The following TXLNB variants were observed in gnomAD, a reference collection of about 807,000 sequenced individuals.
The protein encoded by TXLNB is taxilin beta, also known as beta-taxilin.
TXLNB carries 37 observed loss-of-function variants against 57.4 expected under a neutral mutation model. The ratio of observed to expected loss-of-function variants is 0.64; its 90% CI spans 0.50 to 0.85. The LOEUF (loss-of-function observed/expected upper bound fraction) is 0.85. Ranked by LOEUF, TXLNB falls within the 40% of genes least tolerant of loss-of-function variation. The pLI, the probability that TXLNB is intolerant of heterozygous loss-of-function variation, is 0.00. For synonymous variants in TXLNB, 302 were observed against 309.6 expected, an observed-to-expected ratio of 0.98 and a Z score of 0.26; for missense variants, 848 against 825.6, an observed-to-expected ratio of 1.03 and a Z score of -0.33.
rs553507911 is a variant in TXLNB at position 139,264,209 on chromosome 6, G to A, written c.688-1436C>T. 1.4e-4 allele frequency among the ~76,000 whole-genome samples: 21 copies of A among 152,260 alleles called. No homozygotes were observed. In the South Asian group the frequency reaches 3.5e-3, roughly 26 times the overall value. On this transcript the variant is annotated intron_variant, in intron 4 of 9. Transcript: ENST00000358430. ...CTTTGTATACTAACACTTACTATATGTGTTTCGCTAAAAATAATTATGGTT... is the reference window on the plus strand; with the variant it reads ...CTTTGTATACTAACACTTACTATATATGTTTCGCTAAAAATAATTATGGTT...
the TXLNB span, among the ~76,000 whole-genome samples, chr6:139,228,963 T>C: frequency 6.6e-6 from 1 of 152,136 alleles, no homozygotes; most frequent in Non-Finnish European, 1.5e-5. Flanking sequence ...TTTAGGCCCG[T>C]CTCCTGAGGC....
intron 2 of TXLNB, among the ~76,000 whole-genome samples, chr6:139,277,881 A>C (rs1776940567): frequency 6.6e-6 from 1 of 152,176 alleles, no homozygotes; most frequent in East Asian, 1.9e-4. Context: ...GAAAATTGAC[A>C]ACCTTTCCCC....
At chr6:139,168,506 AC>A in the TXLNB span, among the ~76,000 whole-genome samples, 1 of 149,878 alleles carries the variant, frequency 6.7e-6, no homozygotes, top group Non-Finnish European at 1.5e-5. Flanking sequence ...ATTTCCACAT[AC>A]CTGTCAGATT....
chr6:139,323,157 TTTG>T, the TXLNB span, among the ~76,000 whole-genome samples: 1 of 152,184 alleles, frequency 6.6e-6, no homozygotes, highest in Admixed American at 6.5e-5. Flanking sequence ...AGGAAATCAT[TTTG>T]TTGGTGTTGA....
intron 4 of TXLNB, among the ~76,000 whole-genome samples, chr6:139,263,245 T>G (rs1021304719): frequency 5.3e-5 from 8 of 152,194 alleles, no homozygotes; most frequent in Non-Finnish European, 8.8e-5. Context: ...ATTACCAAGT[T>G]TTGTAAATAT....
downstream of TXLNB, among the ~76,000 whole-genome samples, chr6:139,235,105 A>G (rs1775821113): frequency 6.6e-6 from 1 of 152,188 alleles, no homozygotes; most frequent in Non-Finnish European, 1.5e-5. Flanking sequence ...CATTTGGAAT[A>G]GGTGTATTCC....
Position 139,276,934 on chromosome 6 carries a change from AG to A in TXLNB, c.425-14del. 2 of 1,430,844 alleles carry A rather than the reference AG, an allele frequency of 1.4e-6. No homozygotes were observed. Among genetic ancestry groups the A allele is most frequent in the Admixed American group, 2.0e-5 (1 of 49,526 alleles). The allele number at this position is 1,430,844 out of a possible 1,614,324, so 88.6% of individuals were successfully genotyped here. ...TTGGCTTCTTTGCCTTAAAAAAAAAAGACATGAAAAAAATAAGTGTTGAATT... is the reference window on the plus strand; with the variant it reads ...TTGGCTTCTTTGCCTTAAAAAAAAAAACATGAAAAAAATAAGTGTTGAATT... On this transcript the variant is annotated splice_polypyrimidine_tract_variant and intron_variant, in intron 2 of 9. Transcript: ENST00000358430.
the TXLNB span, among the ~76,000 whole-genome samples, chr6:139,304,247 T>A: frequency 6.6e-6 from 1 of 152,162 alleles, no homozygotes; most frequent in African/African-American, 2.4e-5. Flanking sequence ...AATACAGAAA[T>A]GAATAATGCT....
At chr6:139,310,275 A>T in the TXLNB span, among the ~76,000 whole-genome samples, 1 of 152,248 alleles carries the variant, frequency 6.6e-6, no homozygotes, top group Non-Finnish European at 1.5e-5. Flanking sequence ...CTTACAACTC[A>T]ATAGCAGAAA....
At chr6:139,309,949 C>T in the TXLNB span, among the ~76,000 whole-genome samples, 2 of 152,162 alleles carry the variant, frequency 1.3e-5, no homozygotes, top group African/African-American at 4.8e-5. Flanking sequence ...AAATTGGACT[C>T]TTGTCTTACA....
At chr6:139,196,566 G>C in the TXLNB span, among the ~76,000 whole-genome samples, 1 of 148,542 alleles carries the variant, frequency 6.7e-6, no homozygotes, top group African/African-American at 2.5e-5. Context: ...AGTAGAGATG[G>C]GATTTCACTA....
chr6:139,180,350 G>A, the TXLNB span: 1 of 152,638 alleles, frequency 6.6e-6, no homozygotes, highest in Non-Finnish European at 1.5e-5. Context: ...AGTCCTGCAA[G>A]ACTGATGCTT....
chr6:139,312,239 C>A, the TXLNB span, among the ~76,000 whole-genome samples: 1 of 152,160 alleles, frequency 6.6e-6, no homozygotes, highest in Non-Finnish European at 1.5e-5. Context: ...GACACCTCTT[C>A]TCCTTGAATA....
chr6:139,306,778 C>A, the TXLNB span, among the ~76,000 whole-genome samples: 1 of 152,150 alleles, frequency 6.6e-6, no homozygotes. Flanking sequence ...AGCAGGGGAC[C>A]CTACTCTGCT....
chr6:139,293,717 G>A (rs1350793050), upstream of TXLNB, among the ~76,000 whole-genome samples: 1 of 151,874 alleles, frequency 6.6e-6, no homozygotes, highest in Non-Finnish European at 1.5e-5. Context: ...CTGAGTTTAG[G>A]GGAGGCATAA....
At chr6:139,308,989 A>G in the TXLNB span, among the ~76,000 whole-genome samples, 1 of 152,188 alleles carries the variant, frequency 6.6e-6, no homozygotes, top group African/African-American at 2.4e-5. Flanking sequence ...ACCCCTGTGA[A>G]AGGTAAAGAG....
chr6:139,164,967 T>G, the TXLNB span, among the ~76,000 whole-genome samples: 88 of 152,306 alleles, frequency 5.8e-4, no homozygotes, highest in Non-Finnish European at 1.0e-3. Flanking sequence ...TTACACAGCT[T>G]CTTTTGTAAA....
the TXLNB span, among the ~76,000 whole-genome samples, chr6:139,304,971 A>G: frequency 9.0e-3 from 1,377 of 152,312 alleles, 21 homozygotes; most frequent in African/African-American, 0.031. Context: ...TTTTTTAAAG[A>G]GGTAAATAAC....
chr6:139,315,804 T>C, the TXLNB span, among the ~76,000 whole-genome samples: 3 of 152,176 alleles, frequency 2.0e-5, no homozygotes, highest in Non-Finnish European at 4.4e-5. Context: ...GGGCCAGCTT[T>C]TTAAAAAATC....
Sources: allele counts gnomAD v4.1 joint callset (sites outside exome capture counted in the v4.1 genomes callset), GRCh38; gene constraint gnomAD v4.1.1; transcripts MANE v1.5; gene names NCBI Gene and HGNC (gene_info 2026-07-23, HGNC 2026-07-21).